Variants in MIAT observed in about 807,000 individuals in gnomAD.
The protein encoded by MIAT is myocardial infarction associated transcript.
intron 2 of MIAT, among the ~76,000 whole-genome samples, chr22:26,648,881 G>A (rs1930286353): frequency 6.6e-6 from 1 of 150,700 alleles, no homozygotes; most frequent in African/African-American, 2.5e-5. Context: ...TAATGGCCTT[G>A]AGAGAGAAAG....
Position 26,647,745 on chromosome 22 carries a change from G to A in MIAT, n.646+434G>A, listed in dbSNP as rs1484062696. 2.6e-5 allele frequency among the ~76,000 whole-genome samples: 4 copies of A among 152,186 alleles called. No individual in the cohort carries two copies. The East Asian group carries it at 5.8e-4, about 22-fold the overall frequency. ...GCATTTCCAGAATCTTCAGGCTGCT[G>A]CAGCAAGGAGAACAGACTGGGGGGA... On this transcript the variant is annotated intron_variant and non_coding_transcript_variant, in intron 2 of 5. Transcript: ENST00000643270.
intron 2 of MIAT, among the ~76,000 whole-genome samples, chr22:26,649,998 C>T (rs1021771797): frequency 2.0e-5 from 3 of 152,220 alleles, no homozygotes; most frequent in Non-Finnish European, 4.4e-5. Flanking sequence ...CCCAGAAGAC[C>T]TCAGCAGGAC....
At chr22:26,654,020 G>T (rs535042168) in intron 2 of MIAT, among the ~76,000 whole-genome samples, 1 of 152,130 alleles carries the variant, frequency 6.6e-6, no homozygotes, top group African/African-American at 2.4e-5. Context: ...GATTACAGGC[G>T]TGAGCCACCA....
At chr22:26,647,723 T>A (rs1242676282) in intron 2 of MIAT, among the ~76,000 whole-genome samples, 1 of 151,984 alleles carries the variant, frequency 6.6e-6, no homozygotes, top group Non-Finnish European at 1.5e-5. Context: ...CAGCTTTGCA[T>A]TTCCAGAATC....
chr22:26,665,449 G>T, intron 3 of MIAT: 1 of 398,596 alleles, frequency 2.5e-6, no homozygotes, highest in South Asian at 1.3e-4. Flanking sequence ...TTAATATCAT[G>T]ACTCTAGGTC....
chr22:26,667,569 G>A, intron 5 of MIAT: 1 of 325,176 alleles, frequency 3.1e-6, no homozygotes, highest in Non-Finnish European at 5.6e-6. Context: ...TGCCCATGAT[G>A]CTCCTGGAGC....
rs370134857 is a variant in MIAT, at chr22:26,667,378, CTGTG to C, written n.2262+77_2262+80del. The C allele has an allele frequency of 5.4e-4, 203 of 377,874 alleles. 2 individuals are homozygous for C. Among genetic ancestry groups the C allele is most frequent in the East Asian group, 4.2e-3 (112 of 26,606 alleles). 23.4% of individuals were successfully genotyped at this position (377,874 alleles called of 1,614,324 possible). ...TGCGTGTGCACATGTGTGTGCATGC[CTGTG>C]TGTGTGTGCATGCGTGCATGTGTGT... On this transcript the variant is annotated intron_variant and non_coding_transcript_variant, in intron 5 of 5. Coordinates refer to ENST00000643270, the Ensembl canonical transcript of MIAT.
At chr22:26,668,916 A>T (rs1022307914) in exon 6 of MIAT, 5 of 398,516 alleles carry the variant, frequency 1.3e-5, no homozygotes, top group African/African-American at 1.0e-4. Context: ...TTTAAGAGAT[A>T]AGATTTAGGC....
downstream of MIAT, chr22:26,674,576 C>G (rs1236074770): frequency 1.0e-5 from 4 of 398,546 alleles, no homozygotes; most frequent in South Asian, 3.8e-4. Context: ...TCAGAGCTAA[C>G]CAATTGTAGT....
chr22:26,664,842 A>G (rs1325939736), intron 3 of MIAT, among the ~76,000 whole-genome samples: 1 of 152,272 alleles, frequency 6.6e-6, no homozygotes, highest in African/African-American at 2.4e-5. Flanking sequence ...TTTCTGGAAC[A>G]TAAATATCAC....
At chr22:26,672,545 GTCTAGAC>G (rs370435643), downstream of MIAT, 559 of 399,454 alleles carry the variant, frequency 1.4e-3, 2 homozygotes, top group African/African-American at 0.01. Context: ...AGGCCTGTTG[GTCTAGAC>G]TCTAGACTGT....
intron 2 of MIAT, chr22:26,657,323 C>G (rs914926935): frequency 5.1e-6 from 2 of 395,556 alleles, no homozygotes; most frequent in African/African-American, 4.1e-5. Flanking sequence ...ACCGGTTGCA[C>G]CCCGCTTTCC....
chr22:26,659,279 G>A (rs1390660287), intron 2 of MIAT, among the ~76,000 whole-genome samples: 1 of 152,146 alleles, frequency 6.6e-6, no homozygotes, highest in Non-Finnish European at 1.5e-5. Context: ...TCCTAGCTTT[G>A]TGTGGCATTG....
chr22:26,672,238 G>A (rs539743364), downstream of MIAT: 1 of 399,084 alleles, frequency 2.5e-6, no homozygotes, highest in African/African-American at 2.1e-5. Flanking sequence ...CAGCCCTGCC[G>A]AGCTCTGGGC....
At chr22:26,674,131 A>T (rs1345767420), downstream of MIAT, 1 of 398,540 alleles carries the variant, frequency 2.5e-6, no homozygotes, top group Non-Finnish European at 4.4e-6. Flanking sequence ...GCTTTAGATC[A>T]GAGTATTCAG....
At chr22:26,650,896 C>T (rs1393592218) in intron 2 of MIAT, among the ~76,000 whole-genome samples, 1 of 152,200 alleles carries the variant, frequency 6.6e-6, no homozygotes, top group Non-Finnish European at 1.5e-5. Flanking sequence ...AGCTGGCTGA[C>T]CTCGGATAAG....
At chr22:26,667,989 G>A in intron 5 of MIAT, 2 of 394,746 alleles carry the variant, frequency 5.1e-6, no homozygotes, top group Non-Finnish European at 8.9e-6. Context: ...TTCTAAAAAT[G>A]TTTCATGTCC....
chr22:26,664,980 T>C (rs149529757), intron 3 of MIAT, among the ~76,000 whole-genome samples: 4,977 of 152,270 alleles, frequency 0.033, 260 homozygotes, highest in African/African-American at 0.11. Flanking sequence ...CTCATGCCTG[T>C]AATCCCAGCA....
At chr22:26,657,983 C>T (rs1930522985) in intron 2 of MIAT, among the ~76,000 whole-genome samples, 1 of 149,086 alleles carries the variant, frequency 6.7e-6, no homozygotes, top group African/African-American at 2.5e-5. Context: ...CGACACAAGA[C>T]ACAATTTGGG....
Sources: allele counts gnomAD v4.1 joint callset (sites outside exome capture counted in the v4.1 genomes callset), GRCh38; gene constraint gnomAD v4.1.1; transcripts MANE v1.5; gene names NCBI Gene and HGNC (gene_info 2026-07-23, HGNC 2026-07-21).